TRAT1: variants seen among roughly 807,000 people sequenced by gnomAD.
TRAT1 encodes the protein T cell receptor associated transmembrane adaptor 1.
Under a neutral mutation model 20.0 loss-of-function variants are expected in TRAT1, and 20 were observed. The ratio of observed to expected loss-of-function variants is 1.00; its 90% CI spans 0.70 to 1.45. The LOEUF (loss-of-function observed/expected upper bound fraction) is 1.45. Among genes scored for constraint, TRAT1 ranks in the 40% most tolerant of loss-of-function variants. TRAT1 has a pLI of 0.00. For missense variants in TRAT1, 237 were observed against 224.1 expected (o/e 1.06, Z -0.37); for synonymous variants, 77 against 74.2 (o/e 1.04, Z -0.20).
Position 108,842,911 on chromosome 3 carries a change from G to A in TRAT1, c.152+3944G>A, listed in dbSNP as rs191451798. 9.6e-4 allele frequency among the ~76,000 whole-genome samples: 146 copies of A among 152,288 alleles called. 1 individual carries two copies. The highest frequency in any genetic ancestry group is 2.1e-4 in the Non-Finnish European group (14 of 68,016). Reference sequence around the variant, plus strand: ...ATTTAGTGTTAGATATCATGGCTATGAGCATCCATTAACCATCACTTCAGA... The same window carrying A: ...ATTTAGTGTTAGATATCATGGCTATAAGCATCCATTAACCATCACTTCAGA... On this transcript the variant is annotated intron_variant, in intron 3 of 5. Transcript: ENST00000295756.
intron 2 of TRAT1, among the ~76,000 whole-genome samples, chr3:108,835,075 A>T (rs1945826662): frequency 1.3e-5 from 2 of 152,218 alleles, no homozygotes; most frequent in Non-Finnish European, 2.9e-5. Flanking sequence ...TGGTTTGGTC[A>T]TACATCAAAG....
intron 3 of TRAT1, among the ~76,000 whole-genome samples, chr3:108,846,629 G>C (rs752927505): frequency 6.6e-6 from 1 of 152,098 alleles, no homozygotes; most frequent in Non-Finnish European, 1.5e-5. Flanking sequence ...GGATTACCTG[G>C]GTTCTAATTC....
rs111874248 is a variant in TRAT1, at chr3:108,825,569, C to A, written c.7+2635C>A. Among the ~76,000 whole-genome samples the A allele has an allele frequency of 1.1e-4, 17 of 152,166 alleles. 2 individuals are homozygous for A. Among genetic ancestry groups the A allele is most frequent in the African/African-American group, 3.6e-4 (15 of 41,516 alleles). Reference sequence around the variant, plus strand: ...CTTTTAAACTCAGATGGGTCAAAGACAATGTTTCTCCATTTAATTTAGGTA... The same window carrying A: ...CTTTTAAACTCAGATGGGTCAAAGAAAATGTTTCTCCATTTAATTTAGGTA... On this transcript the variant is annotated intron_variant, in intron 1 of 5. Transcript: ENST00000295756.
At chr3:108,832,518 A>G (rs964384322) in intron 2 of TRAT1, among the ~76,000 whole-genome samples, 1 of 152,234 alleles carries the variant, frequency 6.6e-6, no homozygotes, top group Non-Finnish European at 1.5e-5. Context: ...ACTTTGCTTT[A>G]TATATCGAAT....
chr3:108,831,054 C>T (rs2107507519), intron 2 of TRAT1, among the ~76,000 whole-genome samples: 1 of 152,270 alleles, frequency 6.6e-6, no homozygotes, highest in Non-Finnish European at 1.5e-5. Flanking sequence ...TTTTCCTCCT[C>T]CAGTTGAAAA....
chr3:108,844,615 C>G (rs961189499), intron 3 of TRAT1, among the ~76,000 whole-genome samples: 2 of 151,336 alleles, frequency 1.3e-5, no homozygotes, highest in Non-Finnish European at 2.9e-5. Flanking sequence ...GAGGCCGAGG[C>G]GGGCAGATAA....
At chr3:108,842,527 T>G (rs1234595973) in intron 3 of TRAT1, among the ~76,000 whole-genome samples, 2 of 152,138 alleles carry the variant, frequency 1.3e-5, no homozygotes, top group Non-Finnish European at 2.9e-5. Flanking sequence ...TCTCTACGTC[T>G]TCCAGCCTCC....
chr3:108,838,690 A>G (rs1217558340), intron 2 of TRAT1, among the ~76,000 whole-genome samples: 3 of 152,136 alleles, frequency 2.0e-5, no homozygotes. Flanking sequence ...CAAATTACCA[A>G]GAAAGTTGCT....
chr3:108,839,507 G>C (rs1335597991), intron 3 of TRAT1, among the ~76,000 whole-genome samples: 1 of 152,068 alleles, frequency 6.6e-6, no homozygotes, highest in Non-Finnish European at 1.5e-5. Flanking sequence ...TTAGCTGGGC[G>C]TGGTGGCACA....
intron 3 of TRAT1, among the ~76,000 whole-genome samples, chr3:108,846,547 T>C (rs1349833117): frequency 6.6e-6 from 1 of 152,206 alleles, no homozygotes; most frequent in African/African-American, 2.4e-5. Context: ...TCAGAAAACA[T>C]GGTTTTAAGA....
chr3:108,841,942 T>C (rs1406165318), intron 3 of TRAT1, among the ~76,000 whole-genome samples: 1 of 152,184 alleles, frequency 6.6e-6, no homozygotes, highest in Non-Finnish European at 1.5e-5. Flanking sequence ...CTTGGGGAAA[T>C]GAGCATTGGT....
intron 5 of TRAT1, among the ~76,000 whole-genome samples, chr3:108,853,005 C>T (rs1235493461): frequency 6.6e-6 from 1 of 152,198 alleles, no homozygotes; most frequent in Admixed American, 6.5e-5. Flanking sequence ...TGGATATCTC[C>T]AAGGCCAATC....
chr3:108,853,823 T>C lies in TRAT1; in HGVS notation c.507T>C (p.Asp169=). 1 of 1,614,000 alleles carries C rather than the reference T, an allele frequency of 6.2e-7. No homozygotes were observed. The highest frequency in any genetic ancestry group is 8.5e-7 in the Non-Finnish European group (1 of 1,179,834). ...ESQAVEENIH[D]DPIRLFGLIR... ...AGGCAGTAGAGGAAAACATTCATGATGATCCCATCAGACTGTTTGGATTGA... is the reference window on the plus strand; with the variant it reads ...AGGCAGTAGAGGAAAACATTCATGACGATCCCATCAGACTGTTTGGATTGA... The change falls in exon 6 of 6, where the codon GAT becomes GAC. Residue 169 remains aspartate (D), a synonymous_variant. Coordinates refer to ENST00000295756, the MANE Select transcript of TRAT1 (RefSeq NM_016388.4).
At chr3:108,852,018 T>C (rs958228353) in intron 5 of TRAT1, among the ~76,000 whole-genome samples, 1 of 152,124 alleles carries the variant, frequency 6.6e-6, no homozygotes, top group African/African-American at 2.4e-5. Flanking sequence ...AGGCAGCTAT[T>C]ACAATTTTTC....
chr3:108,846,974 A>T (rs1333832919), intron 3 of TRAT1, 94 bp from the exon 4 acceptor site: 1 of 885,386 alleles, frequency 1.1e-6, no homozygotes, highest in East Asian at 2.6e-5. Flanking sequence ...AGAATAGGCA[A>T]TAGTTCACTT....
intron 2 of TRAT1, among the ~76,000 whole-genome samples, chr3:108,835,537 A>G (rs1156733539): frequency 1.3e-5 from 2 of 152,204 alleles, no homozygotes; most frequent in African/African-American, 4.8e-5. Context: ...ACTACGGCTC[A>G]TTTAAAGAGA....
chr3:108,850,127 A>G (rs1945984354), intron 5 of TRAT1, among the ~76,000 whole-genome samples: 2 of 152,110 alleles, frequency 1.3e-5, no homozygotes, highest in South Asian at 4.1e-4. Context: ...AAATGCTCAC[A>G]AAGGATGAAA....
At chr3:108,839,485 A>T (rs2107511575) in intron 3 of TRAT1, among the ~76,000 whole-genome samples, 2 of 152,018 alleles carry the variant, frequency 1.3e-5, no homozygotes, top group South Asian at 4.2e-4. Flanking sequence ...AACAAAACAA[A>T]ACAAAAAAAA....
At chr3:108,842,646 C>T (rs1945905108) in intron 3 of TRAT1, among the ~76,000 whole-genome samples, 1 of 152,222 alleles carries the variant, frequency 6.6e-6, no homozygotes, top group Non-Finnish European at 1.5e-5. Flanking sequence ...GTTCCCCAAA[C>T]CTTATTCTTG....
Sources: allele counts gnomAD v4.1 joint callset (sites outside exome capture counted in the v4.1 genomes callset), GRCh38; gene constraint gnomAD v4.1.1; transcripts MANE v1.5; gene names NCBI Gene and HGNC (gene_info 2026-07-23, HGNC 2026-07-21).